The following TLN2 variants were observed in gnomAD, a reference collection of about 807,000 sequenced individuals.
The protein encoded by TLN2 is talin 2.
Under a neutral mutation model 294.7 loss-of-function variants are expected in TLN2, and 118 were observed. The ratio of observed to expected loss-of-function variants is 0.40; its 90% confidence interval spans 0.34 to 0.47. TLN2 has a LOEUF of 0.47. TLN2 is among the 20% of genes least tolerant of loss of function. The pLI is 0.84. For synonymous variants in TLN2, 1,431 were observed against 1,304.5 expected (o/e 1.10, Z -2.09); for missense variants, 3,083 against 3,282.2 (o/e 0.94, Z 1.48).
Position 62,717,564 on chromosome 15 carries a change from ACTC to A in TLN2, c.2764-8_2764-6del, listed in dbSNP as rs1282315114. On this transcript the variant is annotated splice_polypyrimidine_tract_variant and intron_variant, in intron 23 of 58. Transcript: ENST00000636159. ...ATATGCAGATCCTGACTCATCTATC[ACTC>A]CTCTGCAGGTTGCAGCCAAGCAGGC... The A allele has an allele frequency of 9.2e-6, 14 of 1,528,020 alleles. No individual in the cohort carries two copies. Among genetic ancestry groups the A allele is most frequent in the South Asian group, 1.3e-5 (1 of 76,020 alleles). 94.7% of individuals were successfully genotyped at this position (1,528,020 alleles called of 1,614,324 possible).
chr15:62,424,203 C>T (rs1279505154), intron 1 of TLN2, among the ~76,000 whole-genome samples: 1 of 152,134 alleles, frequency 6.6e-6, no homozygotes, highest in Non-Finnish European at 1.5e-5. Flanking sequence ...AGCATGGAGC[C>T]TTAAGCTTAA....
chr15:62,503,283 C>T (rs1479514480), intron 1 of TLN2, among the ~76,000 whole-genome samples: 2 of 152,144 alleles, frequency 1.3e-5, no homozygotes, highest in African/African-American at 2.4e-5. Context: ...AGGAAGTGGC[C>T]ATCAGTCCTG....
At chr15:62,599,978 C>A (rs1188564622) in intron 2 of TLN2, among the ~76,000 whole-genome samples, 44 of 152,108 alleles carry the variant, frequency 2.9e-4, no homozygotes, top group Non-Finnish European at 1.5e-5. Context: ...AAAAACACTG[C>A]AGTGCCGAGG....
At chr15:62,487,886 G>C (rs899502732) in intron 1 of TLN2, among the ~76,000 whole-genome samples, 1 of 151,636 alleles carries the variant, frequency 6.6e-6, no homozygotes, top group African/African-American at 2.4e-5. Flanking sequence ...CTGGGAAACA[G>C]AGTGAGAATC....
intron 2 of TLN2, among the ~76,000 whole-genome samples, chr15:62,600,758 C>G (rs200145852): frequency 2.0e-5 from 3 of 152,222 alleles, no homozygotes; most frequent in East Asian, 1.9e-4. Context: ...CTGAGCCAGT[C>G]TTTCTTCTGT....
intron 31 of TLN2, 132 bp from the exon 32 acceptor site, chr15:62,740,498 C>T (rs1236216397): frequency 7.7e-6 from 9 of 1,163,856 alleles, no homozygotes; most frequent in East Asian, 2.4e-5. Context: ...TAGGCATCTG[C>T]GGGCTAACTG....
intron 40 of TLN2, among the ~76,000 whole-genome samples, chr15:62,763,931 C>G (rs1244423751): frequency 6.6e-6 from 1 of 152,058 alleles, no homozygotes; most frequent in African/African-American, 2.4e-5. Context: ...GTGGAAAGTT[C>G]AAAAGTAGCT....
chr15:62,592,101 A>G (rs528464698), intron 2 of TLN2, among the ~76,000 whole-genome samples: 1 of 152,278 alleles, frequency 6.6e-6, no homozygotes, highest in South Asian at 2.1e-4. Flanking sequence ...GGGGATGTGT[A>G]TAAGGAGGAG....
At chr15:62,731,358 A>T (rs2060714204) in intron 28 of TLN2, among the ~76,000 whole-genome samples, 1 of 150,066 alleles carries the variant, frequency 6.7e-6, no homozygotes, top group South Asian at 2.1e-4. Context: ...TTTCTTTAAG[A>T]CTGAACATTG....
chr15:62,530,760 T>C (rs1410917177), intron 1 of TLN2, among the ~76,000 whole-genome samples: 1 of 152,260 alleles, frequency 6.6e-6, no homozygotes, highest in African/African-American at 2.4e-5. Context: ...CCTACACTGT[T>C]GTACTTTCTG....
intron 1 of TLN2, among the ~76,000 whole-genome samples, chr15:62,449,339 A>T (rs2035979626): frequency 6.6e-6 from 1 of 152,164 alleles, no homozygotes; most frequent in Admixed American, 6.5e-5. Flanking sequence ...TTTGGTCCTG[A>T]TGCTGAAGAG....
At position 62,702,783 on chromosome 15, in the gene TLN2, G is replaced by C. The variant is rs2141102263; in HGVS notation, c.1923G>C (p.Leu641Phe). ...GTTCACAGCCTCGACAGACAGTTTTGACTGCTGCTGGCAGCATCGGACAAG... is the reference window on the plus strand; with the variant it reads ...GTTCACAGCCTCGACAGACAGTTTTCACTGCTGCTGGCAGCATCGGACAAG... ...PTSGEPRQTV[L>F]TAAGSIGQAS... is the part of the protein sequence containing the mutation. The change falls in exon 19 of 59, where the codon TTG becomes TTC. Residue 641 changes from leucine to phenylalanine, a missense_variant. By Grantham distance (22) the Leu-to-Phe change is conservative. Transcript: ENST00000636159. 6.2e-7 allele frequency: 1 copy of C among 1,614,152 alleles called. No individual in the cohort carries two copies. Among genetic ancestry groups the C allele is most frequent in the African/African-American group, 1.3e-5 (1 of 75,046 alleles).
Position 62,604,088 on chromosome 15 carries a change from AT to A in TLN2, c.-161-14261del, listed in dbSNP as rs538459190. Among the ~76,000 whole-genome samples the A allele has an allele frequency of 2.6e-3, 390 of 152,344 alleles. 4 individuals carry two copies. The highest frequency in any genetic ancestry group is 9.1e-3 in the African/African-American group (379 of 41,586). On this transcript the variant is annotated intron_variant, in intron 2 of 58. Coordinates refer to ENST00000636159, the MANE Select transcript of TLN2 (RefSeq NM_015059.3). ...TAATTTCTATGTATCATGAAATATAATTCATTTGGTTTTTTTCCTTAACCCT... is the reference window on the plus strand; with the variant it reads ...TAATTTCTATGTATCATGAAATATAATCATTTGGTTTTTTTCCTTAACCCT...
At chr15:62,522,978 A>ACACACT (rs68133247) in intron 1 of TLN2, among the ~76,000 whole-genome samples, 12 of 109,158 alleles carry the variant, frequency 1.1e-4, no homozygotes, top group Non-Finnish European at 1.9e-4. Flanking sequence ...ACACACACAC[A>ACACACT]CTCTCTCACT....
chr15:62,621,481 T>C (rs74523680), intron 3 of TLN2, among the ~76,000 whole-genome samples: 3,491 of 152,312 alleles, frequency 0.023, 147 homozygotes, highest in African/African-American at 0.08. Context: ...CTTGGTGGCA[T>C]TGATTCAGGC....
intron 2 of TLN2, among the ~76,000 whole-genome samples, chr15:62,601,817 CTT>C (rs1379890384): frequency 6.6e-6 from 1 of 152,074 alleles, no homozygotes; most frequent in South Asian, 2.1e-4. Flanking sequence ...ATCACTGAGA[CTT>C]TATTTCTTTT....
At chr15:62,541,895 A>G (rs1433639668) in intron 1 of TLN2, among the ~76,000 whole-genome samples, 1 of 151,434 alleles carries the variant, frequency 6.6e-6, no homozygotes, top group Non-Finnish European at 1.5e-5. Context: ...CTTTTTATGT[A>G]TTTATTTTTG....
chr15:62,392,256 C>G (rs1195870387), intron 1 of TLN2, among the ~76,000 whole-genome samples: 4 of 152,174 alleles, frequency 2.6e-5, no homozygotes, highest in Non-Finnish European at 4.4e-5. Flanking sequence ...GCCAGAATTC[C>G]TGTGTCTCAT....
At chr15:62,823,403 A>G (rs2067751119) in intron 54 of TLN2, among the ~76,000 whole-genome samples, 1 of 152,222 alleles carries the variant, frequency 6.6e-6, no homozygotes, top group Admixed American at 6.5e-5. Flanking sequence ...TTTGAGTTGA[A>G]TCACTTCTCT....
Sources: allele counts gnomAD v4.1 joint callset (sites outside exome capture counted in the v4.1 genomes callset), GRCh38; gene constraint gnomAD v4.1.1; transcripts MANE v1.5; gene names NCBI Gene and HGNC (gene_info 2026-07-23, HGNC 2026-07-21).